The following FAM110B variants were observed in gnomAD, a reference collection of about 807,000 sequenced individuals.
FAM110B encodes family with sequence similarity 110 member B, also known as protein FAM110B.
In FAM110B, 6 loss-of-function variants were observed where a neutral mutation model predicts 20.4. The observed-to-expected ratio is 0.29, with a 90% CI of 0.16 to 0.58. The LOEUF is 0.58. Ranked by LOEUF, FAM110B falls within the 20% of genes least tolerant of loss-of-function variation. The pLI, the probability that FAM110B is intolerant of heterozygous loss-of-function variation, is 0.90. For missense variants in FAM110B, 434 were observed against 498.2 expected, an observed-to-expected ratio of 0.87 and a Z score of 1.23; for synonymous variants, 226 against 214.1, an observed-to-expected ratio of 1.06 and a Z score of -0.49.
At chr8:58,035,559 C>T (rs1244146440) in intron 2 of FAM110B, among the ~76,000 whole-genome samples, 1 of 152,106 alleles carries the variant, frequency 6.6e-6, no homozygotes, top group Non-Finnish European at 1.5e-5. Context: ...GTGTCTGAGC[C>T]CTCCTGGCCA....
intron 1 of FAM110B, among the ~76,000 whole-genome samples, chr8:58,018,269 T>C (rs1438263411): frequency 6.6e-6 from 1 of 152,172 alleles, no homozygotes; most frequent in Non-Finnish European, 1.5e-5. Flanking sequence ...TTAGTTGAAG[T>C]TCTATAATTA....
At chr8:58,042,572 A>C (rs1805243256) in intron 2 of FAM110B, among the ~76,000 whole-genome samples, 1 of 152,252 alleles carries the variant, frequency 6.6e-6, no homozygotes, top group Non-Finnish European at 1.5e-5. Flanking sequence ...TGCAAGAGGT[A>C]CTGTGGGACA....
Position 58,146,967 on chromosome 8 carries a change from C to T in FAM110B, c.737C>T (p.Pro246Leu). Residue 246 changes from proline to leucine, a missense_variant, in exon 4 of 4, where the codon CCA becomes CTA. Transcript: ENST00000519262. ...TCCCCCGAGGCCGACCCTGTGGAAC[C>T]AGCTTGTGGAGTCAGCCGAAGACCC... Reference protein sequence around the residue: ...MKSPEADPVEPACGVSRRPSL... With the variant: ...MKSPEADPVELACGVSRRPSL... The T allele has an allele frequency of 6.2e-7, 1 of 1,614,224 alleles. No individual in the cohort carries two copies. Among genetic ancestry groups the T allele is most frequent in the Non-Finnish European group, 8.5e-7 (1 of 1,180,038 alleles).
chr8:58,032,242 A>G (rs1436966499), intron 2 of FAM110B: 2 of 152,242 alleles, frequency 1.3e-5, no homozygotes, highest in African/African-American at 4.8e-5. Context: ...GGACTGTTAG[A>G]ATTATAATCA....
intron 3 of FAM110B, among the ~76,000 whole-genome samples, chr8:58,100,375 A>G (rs112862693): frequency 1.3e-4 from 20 of 152,302 alleles, no homozygotes; most frequent in African/African-American, 4.6e-4. Context: ...TTTGTTCTCA[A>G]TTGACTATGT....
chr8:58,085,351 A>G (rs961351061), intron 3 of FAM110B, among the ~76,000 whole-genome samples: 1 of 152,258 alleles, frequency 6.6e-6, no homozygotes, highest in East Asian at 1.9e-4. Context: ...CATCTCTACT[A>G]AAAATATAAA....
At chr8:57,995,420 C>G (rs1804164809) in intron 1 of FAM110B, among the ~76,000 whole-genome samples, 1 of 152,206 alleles carries the variant, frequency 6.6e-6, no homozygotes. Context: ...CCTCAATTGT[C>G]TCTATTTTCT....
Position 58,086,674 on chromosome 8 carries a change from A to G in FAM110B, c.-325+11051A>G, listed in dbSNP as rs112142554. ...GCTACTTCTGTTGTAAATTTGTGCAATATTGCTCTCATATGTAAAATACTC... is the reference window on the plus strand; with the variant it reads ...GCTACTTCTGTTGTAAATTTGTGCAGTATTGCTCTCATATGTAAAATACTC... On this transcript the variant is annotated intron_variant, in intron 3 of 3. Coordinates refer to ENST00000519262, the MANE Select transcript of FAM110B (RefSeq NM_001377989.1). 2.8e-3 allele frequency among the ~76,000 whole-genome samples: 429 copies of G among 152,314 alleles called. 1 individual carries two copies. Among genetic ancestry groups the G allele is most frequent in the African/African-American group, 9.9e-3 (410 of 41,576 alleles).
intron 1 of FAM110B, among the ~76,000 whole-genome samples, chr8:58,002,296 A>T (rs1309502894): frequency 1.3e-5 from 2 of 152,258 alleles, no homozygotes; most frequent in African/African-American, 4.8e-5. Context: ...TAATACAATC[A>T]GAGTCAGGTT....
chr8:58,120,544 G>A (rs1807333888), intron 3 of FAM110B, among the ~76,000 whole-genome samples: 1 of 152,182 alleles, frequency 6.6e-6, no homozygotes, highest in Non-Finnish European at 1.5e-5. Flanking sequence ...TATTTCAACA[G>A]GTGAACATCT....
chr8:58,124,787 T>A (rs981853421), intron 3 of FAM110B, among the ~76,000 whole-genome samples: 2 of 152,232 alleles, frequency 1.3e-5, no homozygotes, highest in Admixed American at 1.3e-4. Flanking sequence ...GTAGAATTCA[T>A]GAAGGAGACT....
At chr8:58,137,712 A>G (rs1162073740) in intron 3 of FAM110B, among the ~76,000 whole-genome samples, 1 of 152,212 alleles carries the variant, frequency 6.6e-6, no homozygotes, top group Non-Finnish European at 1.5e-5. Flanking sequence ...ACTCAGGTAC[A>G]CTAGCTGGAG....
At chr8:58,109,747 G>A (rs576753983) in intron 3 of FAM110B, among the ~76,000 whole-genome samples, 1 of 152,176 alleles carries the variant, frequency 6.6e-6, no homozygotes, top group Non-Finnish European at 1.5e-5. Context: ...CAGTGACATC[G>A]GAAACACGAA....
chr8:58,048,459 G>C (rs1805374106), intron 2 of FAM110B, among the ~76,000 whole-genome samples: 1 of 152,028 alleles, frequency 6.6e-6, no homozygotes, highest in Non-Finnish European at 1.5e-5. Context: ...CCTCCTCCAA[G>C]GCATTGGTGT....
intron 2 of FAM110B, among the ~76,000 whole-genome samples, chr8:58,067,425 AC>A (rs1805795625): frequency 6.6e-6 from 1 of 151,830 alleles, no homozygotes; most frequent in South Asian, 2.1e-4. Context: ...AGCCAAACAA[AC>A]CCTTTCCTCC....
intron 3 of FAM110B, among the ~76,000 whole-genome samples, chr8:58,131,367 C>T (rs137922609): frequency 2.9e-3 from 442 of 152,208 alleles, no homozygotes; most frequent in Non-Finnish European, 4.8e-3. Context: ...CCTCTTGCCT[C>T]ACCTCCCCCG....
intron 3 of FAM110B, among the ~76,000 whole-genome samples, chr8:58,127,100 C>G (rs990866955): frequency 6.6e-6 from 1 of 152,122 alleles, no homozygotes; most frequent in Non-Finnish European, 1.5e-5. Flanking sequence ...ATGAGGTCAA[C>G]GTTTATATTT....
At chr8:58,005,638 C>T (rs111580079) in intron 1 of FAM110B, among the ~76,000 whole-genome samples, 2 of 152,306 alleles carry the variant, frequency 1.3e-5, no homozygotes, top group African/African-American at 4.8e-5. Flanking sequence ...CGTTGATACC[C>T]CTTTCCTCCC....
intron 3 of FAM110B, among the ~76,000 whole-genome samples, chr8:58,078,643 C>T (rs955135273): frequency 3.6e-4 from 54 of 149,568 alleles, no homozygotes; most frequent in African/African-American, 6.2e-4. Context: ...CTCCGCCTTC[C>T]AGGTTCACGC....
Sources: gnomAD v4.1 joint callset for allele counts (sites outside exome capture counted in the v4.1 genomes callset) on GRCh38, gnomAD v4.1.1 for gene constraint, MANE v1.5 for transcripts, NCBI Gene and HGNC (gene_info 2026-07-23, HGNC 2026-07-21) for gene names.